The following PTPRG variants were observed in gnomAD, a reference collection of about 807,000 sequenced individuals.
The protein encoded by PTPRG is receptor-type tyrosine-protein phosphatase gamma.
A neutral mutation model predicts 165.3 loss-of-function variants in PTPRG; 102 were observed. The observed-to-expected ratio is 0.62, with a 90% CI of 0.53 to 0.73. The LOEUF (loss-of-function observed/expected upper bound fraction) is 0.73. Ranked by LOEUF, PTPRG falls within the 30% of genes least tolerant of loss-of-function variation. The pLI is 0.00. For synonymous variants in PTPRG, 675 were observed against 669.5 expected (o/e 1.01, Z -0.13); for missense variants, 1,866 against 1,861.4 (o/e 1.00, Z -0.05).
rs1700854712 is a variant in PTPRG at position 62,229,896 on chromosome 3, C to A, written c.2289-1329C>A. 6.6e-6 allele frequency among the ~76,000 whole-genome samples: 1 copy of A among 152,174 alleles called. No homozygotes were observed. Among genetic ancestry groups the A allele is most frequent in the African/African-American group, 2.4e-5 (1 of 41,444 alleles). On this transcript the variant is annotated intron_variant, in intron 13 of 29. Coordinates refer to ENST00000474889, the MANE Select transcript of PTPRG (RefSeq NM_002841.4). This position sits in a 1 kb window ranked among gnomAD's most constrained non-coding sequence, Gnocchi z 4.6. Reference sequence around the variant, plus strand: ...AAAATTCCTGAAAGAGTGAATCTGGCAGAATTCAGAGTAGGGCTAAGGGTT... The same window carrying A: ...AAAATTCCTGAAAGAGTGAATCTGGAAGAATTCAGAGTAGGGCTAAGGGTT...
chr3:61,623,851 A>T (rs527441457), intron 1 of PTPRG, among the ~76,000 whole-genome samples: 1 of 152,236 alleles, frequency 6.6e-6, no homozygotes, highest in African/African-American at 2.4e-5. Flanking sequence ...GAAACAAAAC[A>T]TCTGAGGAGA....
At chr3:61,599,353 G>A (rs1328980681) in intron 1 of PTPRG, among the ~76,000 whole-genome samples, 1 of 152,050 alleles carries the variant, frequency 6.6e-6, no homozygotes, top group Non-Finnish European at 1.5e-5. Flanking sequence ...TCACAATGTT[G>A]GCCAGACTGG....
chr3:61,787,245 C>G (rs1214898886), intron 2 of PTPRG, among the ~76,000 whole-genome samples: 1 of 152,134 alleles, frequency 6.6e-6, no homozygotes, highest in Admixed American at 6.6e-5. Context: ...TTCCTGATGG[C>G]CTTTTAATGT....
intron 3 of PTPRG, among the ~76,000 whole-genome samples, chr3:61,995,681 C>CGCCTGCCT (rs1553702202): frequency 2.2e-5 from 2 of 90,504 alleles, no homozygotes; most frequent in Admixed American, 2.2e-4. Flanking sequence ...CCTGCCCGCC[C>CGCCTGCCT]GCCTTCCTTC....
chr3:61,633,430 T>C (rs917217314), intron 1 of PTPRG, among the ~76,000 whole-genome samples: 1 of 152,216 alleles, frequency 6.6e-6, no homozygotes, highest in Non-Finnish European at 1.5e-5. Flanking sequence ...GGATTGGAAA[T>C]TTGGAATGTA....
chr3:62,235,778 G>A (rs768906428), intron 14 of PTPRG, among the ~76,000 whole-genome samples: 2 of 152,064 alleles, frequency 1.3e-5, no homozygotes, highest in African/African-American at 4.8e-5. Context: ...TTCTCTCCTC[G>A]TTTTAGTATC....
At position 61,951,309 on chromosome 3, in the gene PTPRG, G is replaced by T. The variant is rs115543857; in HGVS notation, c.191-38316G>T. ...AAAGTGTGATGTCCTAATGGGACCT[G>T]GCTAACTTCTTGAACTGTAGCTTTT... is the stretch of plus-strand genomic sequence containing the variant. On this transcript the variant is annotated intron_variant, in intron 2 of 29. Coordinates refer to ENST00000474889, the MANE Select transcript of PTPRG (RefSeq NM_002841.4). Among the ~76,000 whole-genome samples, 205 of 152,262 alleles carry T rather than the reference G, an allele frequency of 1.3e-3. 1 individual carries two copies. The highest frequency in any genetic ancestry group is 4.7e-3 in the African/African-American group (194 of 41,552).
intron 4 of PTPRG, among the ~76,000 whole-genome samples, chr3:62,056,037 T>C (rs1363553881): frequency 6.6e-6 from 1 of 152,240 alleles, no homozygotes; most frequent in Non-Finnish European, 1.5e-5. Context: ...CAAATCCAAG[T>C]ACATATGACT....
intron 6 of PTPRG, among the ~76,000 whole-genome samples, chr3:62,148,825 C>A (rs1405795172): frequency 3.3e-5 from 5 of 152,098 alleles, no homozygotes; most frequent in African/African-American, 1.2e-4. Flanking sequence ...GTGAGATTTC[C>A]TCACCTGATC....
intron 1 of PTPRG, among the ~76,000 whole-genome samples, chr3:61,683,415 G>T (rs1391186232): frequency 2.0e-5 from 3 of 150,356 alleles, no homozygotes; most frequent in Non-Finnish European, 4.4e-5. Context: ...GTCAATTTTC[G>T]ATTCTAAGTC....
At chr3:61,694,841 A>G (rs1408867276) in intron 1 of PTPRG, among the ~76,000 whole-genome samples, 1 of 152,108 alleles carries the variant, frequency 6.6e-6, no homozygotes, top group Non-Finnish European at 1.5e-5. Context: ...GGGAGTGAGG[A>G]ACATGCTATT....
chr3:61,707,565 A>T (rs919421310), intron 1 of PTPRG, among the ~76,000 whole-genome samples: 7 of 152,208 alleles, frequency 4.6e-5, no homozygotes, highest in African/African-American at 1.7e-4. Context: ...TAGACTTTGT[A>T]TTCTGTTCAG....
Position 62,293,357 on chromosome 3 carries a change from C to A in PTPRG, c.*50C>A, listed in dbSNP as rs773079317. On this transcript the variant is annotated 3_prime_UTR_variant, in exon 30 of 30. Transcript: ENST00000474889. ...TTTGTAAACTTCTGAAGACTGAGAA[C>A]TTTTTTGAGGCCTTTTTTGCCAGAC... 2.1e-6 allele frequency: 3 copies of A among 1,453,924 alleles called. No homozygotes were observed. The South Asian group carries it at 4.8e-5, about 23-fold the overall frequency. The allele number at this position is 1,453,924 out of a possible 1,614,324, so 90.1% of individuals were successfully genotyped here. A position where few individuals can be genotyped will look rare whatever the true frequency, so the allele number is the denominator to read the frequency against.
intron 2 of PTPRG, among the ~76,000 whole-genome samples, chr3:61,863,736 G>A (rs1040585855): frequency 2.0e-5 from 3 of 152,178 alleles, no homozygotes; most frequent in African/African-American, 4.8e-5. Flanking sequence ...GGTGACTTCA[G>A]TGTGTTTTCC....
intron 5 of PTPRG, among the ~76,000 whole-genome samples, chr3:62,080,730 C>T (rs1157615856): frequency 6.6e-6 from 1 of 152,148 alleles, no homozygotes; most frequent in Non-Finnish European, 1.5e-5. Flanking sequence ...GCTCTATAAA[C>T]TCTTGTTAAA....
At chr3:61,714,355 T>C (rs535454479) in intron 1 of PTPRG, among the ~76,000 whole-genome samples, 16 of 152,306 alleles carry the variant, frequency 1.1e-4, no homozygotes, top group Admixed American at 2.0e-4. Context: ...GTGTGCAACT[T>C]CTAGGACATT....
At chr3:62,087,875 CAT>C (rs1701802255) in intron 5 of PTPRG, among the ~76,000 whole-genome samples, 1 of 152,078 alleles carries the variant, frequency 6.6e-6, no homozygotes, top group African/African-American at 2.4e-5. Context: ...TCTTTTTGTC[CAT>C]AGTTACAATC....
At chr3:62,188,231 T>C (rs931584264) in intron 8 of PTPRG, among the ~76,000 whole-genome samples, 1 of 138,924 alleles carries the variant, frequency 7.2e-6, no homozygotes, top group Non-Finnish European at 1.6e-5. Context: ...TAAAATTAGC[T>C]AAGTGTGGTG....
chr3:61,864,971 C>A lies in PTPRG; in HGVS notation c.190+115989C>A, dbSNP rs115534479. ...TGCCAGCATGCCACTGTCATGGGGT[C>A]ACATTCAGTCATTCATTCCCTTGCT... is the stretch of plus-strand genomic sequence containing the variant. On this transcript the variant is annotated intron_variant, in intron 2 of 29. Transcript: ENST00000474889. Among the ~76,000 whole-genome samples, 1,352 of 152,274 alleles carry A rather than the reference C, an allele frequency of 8.9e-3. 16 individuals carry two copies. Among genetic ancestry groups the A allele is most frequent in the African/African-American group, 0.031 (1,283 of 41,532 alleles).
Sources: gnomAD v4.1 joint callset for allele counts (sites outside exome capture counted in the v4.1 genomes callset) on GRCh38, gnomAD v4.1.1 for gene constraint, Gnocchi (gnomAD v3.1) non-coding constraint, MANE v1.5 for transcripts, NCBI Gene and HGNC (gene_info 2026-07-23, HGNC 2026-07-21) for gene names.